Variants in DENND1A observed in about 807,000 individuals in gnomAD.
DENND1A encodes the protein DENN domain-containing protein 1A.
In DENND1A, 51 loss-of-function variants were observed where a neutral mutation model predicts 113.7. The ratio of observed to expected loss-of-function variants is 0.45; its 90% CI spans 0.36 to 0.57. The LOEUF is 0.57. Among genes scored for constraint, DENND1A ranks in the 20% least tolerant of loss-of-function variants. The probability of loss-of-function intolerance (pLI) is 0.00; values close to 1 mark genes in which losing one functional copy is unlikely to be tolerated. For synonymous variants in DENND1A, 565 were observed against 570.8 expected, an observed-to-expected ratio of 0.99 and a Z score of 0.14; for missense variants, 1,258 against 1,395.9, an observed-to-expected ratio of 0.90 and a Z score of 1.57.
chr9:123,770,887 T>C (rs1160672451), intron 3 of DENND1A, among the ~76,000 whole-genome samples: 1 of 152,178 alleles, frequency 6.6e-6, no homozygotes, highest in Non-Finnish European at 1.5e-5. Flanking sequence ...ATTCAAGAAA[T>C]AAACCACATC....
At chr9:123,444,280 G>GA (rs2047143104) in intron 18 of DENND1A, among the ~76,000 whole-genome samples, 1 of 152,142 alleles carries the variant, frequency 6.6e-6, no homozygotes, top group Non-Finnish European at 1.5e-5. Flanking sequence ...TATTTGTCTA[G>GA]AAAAAATTGG....
intron 13 of DENND1A, among the ~76,000 whole-genome samples, chr9:123,490,833 C>T (rs1206319311): frequency 2.0e-5 from 3 of 152,192 alleles, no homozygotes; most frequent in Non-Finnish European, 4.4e-5. Context: ...TCCGCCTTTG[C>T]GGCACATCTC....
chr9:123,875,584 C>T (rs986995714), intron 2 of DENND1A, among the ~76,000 whole-genome samples: 7 of 152,162 alleles, frequency 4.6e-5, no homozygotes, highest in African/African-American at 1.4e-4. Context: ...TCCTGTACTG[C>T]AAGCTCTATC....
At chr9:123,608,517 G>A (rs1455628229) in intron 11 of DENND1A, among the ~76,000 whole-genome samples, 1 of 152,090 alleles carries the variant, frequency 6.6e-6, no homozygotes, top group East Asian at 1.9e-4. Flanking sequence ...ACTCTCTCCT[G>A]AGGAGGAAAG....
chr9:123,506,908 G>C (rs1227509121), intron 13 of DENND1A, among the ~76,000 whole-genome samples: 2 of 152,184 alleles, frequency 1.3e-5, no homozygotes, highest in Non-Finnish European at 2.9e-5. Context: ...AAAAAGGCTG[G>C]GCACAGTGGC....
At chr9:123,703,045 G>A (rs762733163) in intron 5 of DENND1A, among the ~76,000 whole-genome samples, 15 of 152,254 alleles carry the variant, frequency 9.9e-5, no homozygotes, top group Non-Finnish European at 2.1e-4. Context: ...GTAGTGGCGC[G>A]ATCTCGGCTC....
intron 3 of DENND1A, among the ~76,000 whole-genome samples, chr9:123,779,854 C>T (rs564167039): frequency 6.7e-6 from 1 of 149,082 alleles, no homozygotes; most frequent in African/African-American, 2.5e-5. Flanking sequence ...GATCCTTTCA[C>T]ATTCCACTTG....
At chr9:123,838,661 C>T (rs147623427) in intron 2 of DENND1A, among the ~76,000 whole-genome samples, 2 of 152,286 alleles carry the variant, frequency 1.3e-5, no homozygotes, top group East Asian at 1.9e-4. Flanking sequence ...TCATTCAAGG[C>T]GGTACCTGGA....
chr9:123,431,749 G>A (rs770141182), intron 19 of DENND1A, among the ~76,000 whole-genome samples: 4 of 152,154 alleles, frequency 2.6e-5, no homozygotes, highest in Non-Finnish European at 5.9e-5. Flanking sequence ...TTCCCTCCAG[G>A]TCTCAGTGTG....
chr9:123,810,904 A>T (rs1836480841), intron 2 of DENND1A, among the ~76,000 whole-genome samples: 1 of 151,950 alleles, frequency 6.6e-6, no homozygotes, highest in African/African-American at 2.4e-5. Flanking sequence ...AATTACAGGC[A>T]CCTACCACCA....
At chr9:123,869,609 G>A (rs1846232772) in intron 2 of DENND1A, among the ~76,000 whole-genome samples, 1 of 152,164 alleles carries the variant, frequency 6.6e-6, no homozygotes, top group Non-Finnish European at 1.5e-5. Context: ...TTTCTAACTA[G>A]CATGTCAAGT....
intron 13 of DENND1A, among the ~76,000 whole-genome samples, chr9:123,476,294 A>G (rs989806942): frequency 5.9e-5 from 9 of 152,130 alleles, no homozygotes; most frequent in African/African-American, 2.2e-4. Flanking sequence ...CAGCTGATAA[A>G]GGGGTCACGA....
intron 2 of DENND1A, among the ~76,000 whole-genome samples, chr9:123,839,451 A>T (rs1841510461): frequency 6.6e-6 from 1 of 152,238 alleles, no homozygotes; most frequent in Admixed American, 6.5e-5. Context: ...AAACACATTT[A>T]AAAAACAGGA....
At position 123,497,784 on chromosome 9, in the gene DENND1A, T is replaced by C. The variant is rs557582956; in HGVS notation, c.994-39887A>G. ...TAGAAATACAGGCTATTTCTAGTTT[T>C]ATTTCCACAGTCCAATCTCTCTTCC... On this transcript the variant is annotated intron_variant, in intron 13 of 23. Coordinates refer to ENST00000394215, the MANE Select transcript of DENND1A (RefSeq NM_001352964.2). Among the ~76,000 whole-genome samples, 30 of 150,178 alleles carry C rather than the reference T, an allele frequency of 2.0e-4. No individual in the cohort carries two copies. In the South Asian group the frequency reaches 4.6e-3, roughly 23 times the overall value.
chr9:123,704,208 C>G (rs1199691619), intron 5 of DENND1A, among the ~76,000 whole-genome samples: 1 of 152,060 alleles, frequency 6.6e-6, no homozygotes, highest in Non-Finnish European at 1.5e-5. Context: ...GTTTTTACCC[C>G]TGAAGCTCTT....
chr9:123,724,118 T>C (rs1434397759), intron 5 of DENND1A, among the ~76,000 whole-genome samples: 1 of 152,182 alleles, frequency 6.6e-6, no homozygotes, highest in Non-Finnish European at 1.5e-5. Context: ...CTAACCTTTG[T>C]AGTCATAATG....
At chr9:123,788,403 G>C (rs1376899757) in intron 3 of DENND1A, among the ~76,000 whole-genome samples, 1 of 152,096 alleles carries the variant, frequency 6.6e-6, no homozygotes, top group African/African-American at 2.4e-5. Context: ...ATTTTGATGA[G>C]AGTGGTGACC....
At chr9:123,887,160 C>A (rs1174981275) in intron 1 of DENND1A, among the ~76,000 whole-genome samples, 2 of 152,160 alleles carry the variant, frequency 1.3e-5, no homozygotes, top group African/African-American at 2.4e-5. Context: ...ATATTTATCT[C>A]ATTATCAATA....
intron 5 of DENND1A, among the ~76,000 whole-genome samples, chr9:123,746,430 A>G (rs999421501): frequency 6.6e-6 from 1 of 152,228 alleles, no homozygotes. Flanking sequence ...TTGTTTCATT[A>G]CAACACAAAA....
Sources: gnomAD v4.1 joint callset for allele counts (sites outside exome capture counted in the v4.1 genomes callset) on GRCh38, gnomAD v4.1.1 for gene constraint, MANE v1.5 for transcripts, NCBI Gene and HGNC (gene_info 2026-07-23, HGNC 2026-07-21) for gene names.